MKLN1: variants seen among roughly 807,000 people sequenced by gnomAD.
The protein encoded by MKLN1 is muskelin.
A neutral mutation model predicts 99.0 loss-of-function variants in MKLN1; 18 were observed. That is an observed-to-expected ratio of 0.18 (90% CI 0.13 to 0.27). The LOEUF (loss-of-function observed/expected upper bound fraction) is 0.27, where lower values mean the gene tolerates loss of function less well. Among genes scored for constraint, MKLN1 ranks in the 10% least tolerant of loss-of-function variants. The pLI, the probability that MKLN1 is intolerant of heterozygous loss-of-function variation, is 1.00. For missense variants in MKLN1, 621 were observed against 875.9 expected (o/e 0.71, Z 3.67); for synonymous variants, 288 against 293.2 (o/e 0.98, Z 0.18).
intron 2 of MKLN1, among the ~76,000 whole-genome samples, chr7:131,148,960 T>G (rs1219917600): frequency 6.6e-6 from 1 of 152,210 alleles, no homozygotes; most frequent in African/African-American, 2.4e-5. Flanking sequence ...TCGAAGATAT[T>G]GTGTCTTTAA....
At chr7:131,173,538 G>C (rs1796246742) in intron 2 of MKLN1, among the ~76,000 whole-genome samples, 1 of 152,200 alleles carries the variant, frequency 6.6e-6, no homozygotes, top group Non-Finnish European at 1.5e-5. Flanking sequence ...GGCCAACTTA[G>C]TGAAACCCCA....
intron 3 of MKLN1, among the ~76,000 whole-genome samples, chr7:131,207,700 G>C (rs1032558598): frequency 1.3e-5 from 2 of 152,156 alleles, no homozygotes; most frequent in African/African-American, 4.8e-5. Context: ...GCTAACCACT[G>C]ATCCAGAAGC....
intron 3 of MKLN1, among the ~76,000 whole-genome samples, chr7:131,321,422 G>A (rs557702364): frequency 3.8e-4 from 58 of 152,168 alleles, no homozygotes; most frequent in African/African-American, 1.3e-3. Context: ...GGGGCCAGTC[G>A]GGGTGGGGCC....
intron 3 of MKLN1, among the ~76,000 whole-genome samples, chr7:131,214,707 G>C (rs941706944): frequency 6.6e-6 from 1 of 151,992 alleles, no homozygotes; most frequent in South Asian, 2.1e-4. Context: ...TGACCCTTTC[G>C]TTTTCTACAT....
intron 4 of MKLN1, among the ~76,000 whole-genome samples, chr7:131,396,766 G>A (rs1380745449): frequency 1.3e-5 from 2 of 151,924 alleles, no homozygotes; most frequent in African/African-American, 4.8e-5. Context: ...AGATCTGTTT[G>A]GTTACAATGA....
At chr7:131,149,025 G>T (rs12534306) in intron 2 of MKLN1, among the ~76,000 whole-genome samples, 2 of 152,160 alleles carry the variant, frequency 1.3e-5, no homozygotes, top group African/African-American at 4.8e-5. Context: ...TCAGTCGCAG[G>T]CTCGGATTTC....
At position 131,354,875 on chromosome 7, in the gene MKLN1, C is replaced by T. The variant is rs112803378; in HGVS notation, c.99-20549C>T. The stretch of plus-strand genomic sequence containing the variant: ...ATTTATTATAAAGCTCATATTTCCC[C>T]CAACCCCAATGATTTATGATGCTAT... On this transcript the variant is annotated intron_variant, in intron 1 of 17. Coordinates refer to ENST00000352689, the MANE Select transcript of MKLN1 (RefSeq NM_013255.5). Among the ~76,000 whole-genome samples the T allele has an allele frequency of 3.5e-3, 532 of 152,204 alleles. 2 individuals carry two copies. The highest frequency in any genetic ancestry group is 0.012 in the African/African-American group (506 of 41,540).
chr7:131,300,257 C>T (rs561953429), intron 3 of MKLN1, among the ~76,000 whole-genome samples: 3 of 150,914 alleles, frequency 2.0e-5, no homozygotes, highest in South Asian at 2.1e-4. Flanking sequence ...ATGACAATGA[C>T]GAGGTTGGAG....
chr7:131,239,792 C>A (rs1209628282), intron 3 of MKLN1, among the ~76,000 whole-genome samples: 2 of 152,134 alleles, frequency 1.3e-5, no homozygotes, highest in Non-Finnish European at 2.9e-5. Flanking sequence ...GAGTTTGAGA[C>A]CAGCCTGGTC....
At chr7:131,325,158 G>A (rs1037524371), upstream of MKLN1, among the ~76,000 whole-genome samples, 6 of 151,884 alleles carry the variant, frequency 4.0e-5, no homozygotes, top group African/African-American at 1.2e-4. Context: ...CACATCAACA[G>A]GACTGAGGAT....
At chr7:131,431,170 C>A (rs548988325) in intron 9 of MKLN1, among the ~76,000 whole-genome samples, 2 of 151,458 alleles carry the variant, frequency 1.3e-5, no homozygotes, top group Admixed American at 6.6e-5. Flanking sequence ...TGCAGTGAGC[C>A]GAGATGGCAC....
intron 1 of MKLN1, among the ~76,000 whole-genome samples, chr7:131,352,990 G>A (rs1472733263): frequency 6.6e-6 from 1 of 152,118 alleles, no homozygotes; most frequent in Non-Finnish European, 1.5e-5. Flanking sequence ...TCATTTAGAT[G>A]TGCCACAATT....
At chr7:131,345,670 T>C (rs1310788865) in intron 1 of MKLN1, among the ~76,000 whole-genome samples, 4 of 152,044 alleles carry the variant, frequency 2.6e-5, no homozygotes, top group Non-Finnish European at 5.9e-5. Flanking sequence ...GCTATGTTCA[T>C]GCCACTGCAC....
At chr7:131,196,967 G>A (rs1796655906) in intron 2 of MKLN1, among the ~76,000 whole-genome samples, 2 of 152,208 alleles carry the variant, frequency 1.3e-5, no homozygotes, top group East Asian at 3.9e-4. Context: ...AGTCTCATTA[G>A]CTGGAGCTCA....
rs140410106 is a variant in MKLN1 at position 131,141,419 on chromosome 7, C to T, written c.-418-1401C>T. Reference sequence around the variant, plus strand: ...TAAGTCAAAAACCTGATCTCCAGTCCGGACTTTGCCCTCTTCAAAACTCCA... The same window carrying T: ...TAAGTCAAAAACCTGATCTCCAGTCTGGACTTTGCCCTCTTCAAAACTCCA... On this transcript the variant is annotated intron_variant, in intron 1 of 7. Transcript: ENST00000416992. Among the ~76,000 whole-genome samples, 8 of 152,246 alleles carry T rather than the reference C, an allele frequency of 5.3e-5. No individual in the cohort carries two copies. In the East Asian group the frequency reaches 1.3e-3, roughly 26 times the overall value.
chr7:131,355,437 A>G (rs1335060212), intron 1 of MKLN1, among the ~76,000 whole-genome samples: 2 of 151,748 alleles, frequency 1.3e-5, no homozygotes, highest in Non-Finnish European at 2.9e-5. Context: ...TTCCAGGTTT[A>G]CTTATACATA....
intron 12 of MKLN1, among the ~76,000 whole-genome samples, chr7:131,448,509 A>G (rs1165550946): frequency 6.6e-6 from 1 of 152,208 alleles, no homozygotes; most frequent in Admixed American, 6.5e-5. Context: ...AAAAGAAAAT[A>G]TGTCAAACTG....
chr7:131,274,643 C>CAA (rs10708074), intron 3 of MKLN1, among the ~76,000 whole-genome samples: 24 of 91,582 alleles, frequency 2.6e-4, no homozygotes, highest in Middle Eastern at 6.3e-3. Context: ...GACCCTGTCT[C>CAA]AAAAAAAAAA....
At chr7:131,113,509 T>G (rs1795227448) in intron 1 of MKLN1, among the ~76,000 whole-genome samples, 1 of 152,110 alleles carries the variant, frequency 6.6e-6, no homozygotes, top group Non-Finnish European at 1.5e-5. Flanking sequence ...CATAGTGAAC[T>G]GATCAAATGT....
Sources: gnomAD v4.1 joint callset for allele counts (sites outside exome capture counted in the v4.1 genomes callset) on GRCh38, gnomAD v4.1.1 for gene constraint, MANE v1.5 for transcripts, NCBI Gene and HGNC (gene_info 2026-07-23, HGNC 2026-07-21) for gene names.